SKAP2: variants seen among roughly 807,000 people sequenced by gnomAD.
SKAP2 encodes src kinase-associated phosphoprotein 2.
SKAP2 carries 28 observed loss-of-function variants against 54.9 expected under a neutral mutation model. The observed-to-expected ratio is 0.51, with a 90% CI of 0.38 to 0.70. The LOEUF (loss-of-function observed/expected upper bound fraction) is 0.70, where lower values mean the gene tolerates loss of function less well. Among genes scored for constraint, SKAP2 ranks in the 30% least tolerant of loss-of-function variants. SKAP2 has a pLI of 0.00. For synonymous variants in SKAP2, 137 were observed against 134.3 expected (o/e 1.02, Z -0.14); for missense variants, 356 against 424.1 (o/e 0.84, Z 1.41).
In SKAP2 at chr7:26,687,194, T is replaced by C. The variant is rs552325560; in HGVS notation, c.875-2346A>G. On this transcript the variant is annotated intron_variant, in intron 10 of 12. Coordinates refer to ENST00000345317, the MANE Select transcript of SKAP2 (RefSeq NM_003930.5). Reference sequence around the variant, plus strand: ...TTGCTGAAACTCCCATTAACACTAATGGGAGTTACAGGAGCACATGAGGGG... The same window carrying C: ...TTGCTGAAACTCCCATTAACACTAACGGGAGTTACAGGAGCACATGAGGGG... 1.2e-4 allele frequency among the ~76,000 whole-genome samples: 18 copies of C among 149,304 alleles called. No homozygotes were observed. In the South Asian group the frequency reaches 2.2e-3, roughly 19 times the overall value.
intron 11 of SKAP2, among the ~76,000 whole-genome samples, chr7:26,670,834 T>C (rs1276276576): frequency 2.0e-5 from 3 of 152,110 alleles, no homozygotes; most frequent in African/African-American, 4.8e-5. Flanking sequence ...TCCTTTATTA[T>C]TGACCATAAA....
At chr7:26,832,955 G>A (rs1411052085) in intron 4 of SKAP2, among the ~76,000 whole-genome samples, 3 of 152,156 alleles carry the variant, frequency 2.0e-5, no homozygotes, top group African/African-American at 7.2e-5. Context: ...GTAAAGGCTT[G>A]TGTATTCGGG....
intron 11 of SKAP2, among the ~76,000 whole-genome samples, chr7:26,675,776 G>C (rs923311411): frequency 6.6e-6 from 1 of 152,190 alleles, no homozygotes; most frequent in Non-Finnish European, 1.5e-5. Flanking sequence ...CTGAGTGGGC[G>C]ATCTGAAGGA....
At chr7:26,831,681 G>A (rs1784598871) in intron 4 of SKAP2, among the ~76,000 whole-genome samples, 1 of 152,040 alleles carries the variant, frequency 6.6e-6, no homozygotes, top group Non-Finnish European at 1.5e-5. Flanking sequence ...TCCTTAATTT[G>A]ACAGATGAGA....
intron 6 of SKAP2, among the ~76,000 whole-genome samples, chr7:26,737,713 T>A (rs531830532): frequency 6.6e-6 from 1 of 152,206 alleles, no homozygotes; most frequent in Non-Finnish European, 1.5e-5. Context: ...TACTTTATAA[T>A]ATTCAACTCC....
At chr7:26,741,809 C>T (rs550378340) in intron 4 of SKAP2, among the ~76,000 whole-genome samples, 43 of 150,372 alleles carry the variant, frequency 2.9e-4, no homozygotes, top group Middle Eastern at 3.4e-3. Context: ...AAACTCATCA[C>T]CTAATTTTAC....
chr7:26,754,132 G>A (rs1782739504), intron 4 of SKAP2, among the ~76,000 whole-genome samples: 1 of 152,100 alleles, frequency 6.6e-6, no homozygotes, highest in East Asian at 1.9e-4. Flanking sequence ...GGGAGGCTGA[G>A]GCGAGTGGAT....
At chr7:26,670,305 C>T in intron 11 of SKAP2, 113 bp from the exon 12 acceptor site, 2 of 595,166 alleles carry the variant, frequency 3.4e-6, no homozygotes, top group South Asian at 2.1e-5. Context: ...AGAGCTTGAG[C>T]TGCAAATGTA....
chr7:26,847,336 C>G (rs1784944576), intron 3 of SKAP2, among the ~76,000 whole-genome samples: 1 of 151,974 alleles, frequency 6.6e-6, no homozygotes, highest in Non-Finnish European at 1.5e-5. Context: ...TGGTCCATCC[C>G]TTTTCCTCCC....
intron 6 of SKAP2, among the ~76,000 whole-genome samples, chr7:26,732,602 G>A (rs931472407): frequency 2.6e-5 from 4 of 152,018 alleles, no homozygotes; most frequent in African/African-American, 9.7e-5. Context: ...AATAACTTAC[G>A]TTATTTCCAC....
intron 4 of SKAP2, among the ~76,000 whole-genome samples, chr7:26,754,094 T>C (rs905530457): frequency 6.6e-6 from 1 of 152,122 alleles, no homozygotes; most frequent in Non-Finnish European, 1.5e-5. Context: ...CCGGGCACGG[T>C]GGCTCATGTC....
intron 4 of SKAP2, among the ~76,000 whole-genome samples, chr7:26,801,854 T>C (rs1187988354): frequency 6.6e-6 from 1 of 152,134 alleles, no homozygotes; most frequent in Non-Finnish European, 1.5e-5. Context: ...AAATTGAAGA[T>C]GACACCTAAA....
rs748868791 is a variant in SKAP2, at chr7:26,864,476, T to A, written c.-47A>T. 1 of 1,556,282 alleles carries A rather than the reference T, an allele frequency of 6.4e-7. No individual in the cohort carries two copies. Among genetic ancestry groups the A allele is most frequent in the Non-Finnish European group, 8.7e-7 (1 of 1,151,870 alleles). The stretch of plus-strand genomic sequence containing the variant: ...GGGGAAAGGACCTGCGCTGAAAAGG[T>A]GACCGACGGGGTGGGGCTGCGGCTG... On this transcript the variant is annotated 5_prime_UTR_variant, in exon 1 of 13. Transcript: ENST00000345317.
intron 4 of SKAP2, among the ~76,000 whole-genome samples, chr7:26,799,114 ACAAGGCAAGG>A (rs111943470): frequency 0.3 from 45,243 of 148,570 alleles, 7,113 homozygotes; most frequent in Middle Eastern, 0.36. Context: ...GCAAGGCAAG[ACAAGGCAAGG>A]CAAGGCAAGG....
At chr7:26,720,278 C>A (rs954063793) in intron 9 of SKAP2, among the ~76,000 whole-genome samples, 1 of 152,116 alleles carries the variant, frequency 6.6e-6, no homozygotes, top group Non-Finnish European at 1.5e-5. Flanking sequence ...ATGTGTTAAG[C>A]CATCCCTTGT....
At chr7:26,811,057 C>A (rs1784133597) in intron 4 of SKAP2, among the ~76,000 whole-genome samples, 1 of 151,992 alleles carries the variant, frequency 6.6e-6, no homozygotes, top group Admixed American at 6.6e-5. Context: ...GTAGTTTGAC[C>A]AGTCACAAAG....
intron 9 of SKAP2, among the ~76,000 whole-genome samples, chr7:26,721,731 T>G (rs1034618100): frequency 6.6e-6 from 1 of 152,198 alleles, no homozygotes; most frequent in African/African-American, 2.4e-5. Context: ...CTATTCAGTT[T>G]AGATCTAGAA....
chr7:26,706,086 A>T (rs1331994738), intron 9 of SKAP2, among the ~76,000 whole-genome samples: 1 of 152,216 alleles, frequency 6.6e-6, no homozygotes. Flanking sequence ...CTATTTGGTT[A>T]CCAAAGTCCA....
Position 26,833,345 on chromosome 7 carries a change from G to A in SKAP2, c.307+10685C>T, listed in dbSNP as rs867342667. On this transcript the variant is annotated intron_variant, in intron 4 of 12. Transcript: ENST00000345317. ...CAGGAGGCAGAGCTTGCAGTGAGCT[G>A]AGATCGCGCCACTGCACCCCAGCCT... is the stretch of plus-strand genomic sequence containing the variant. Among the ~76,000 whole-genome samples, 4 of 149,220 alleles carry A rather than the reference G, an allele frequency of 2.7e-5. No homozygotes were observed. The East Asian group carries it at 7.9e-4, about 29-fold the overall frequency.
Sources: gnomAD v4.1 joint callset for allele counts (sites outside exome capture counted in the v4.1 genomes callset) on GRCh38, gnomAD v4.1.1 for gene constraint, MANE v1.5 for transcripts, NCBI Gene and HGNC (gene_info 2026-07-23, HGNC 2026-07-21) for gene names.